Variants in TXNL1 observed in about 807,000 individuals in gnomAD.
TXNL1 encodes the protein thioredoxin like 1.
In TXNL1, 14 loss-of-function variants were observed where a neutral mutation model predicts 35.5. The ratio of observed to expected loss-of-function variants is 0.39; its 90% CI spans 0.26 to 0.62. TXNL1 has a LOEUF of 0.62. TXNL1 is among the 20% of genes least tolerant of loss of function. The pLI, the probability that TXNL1 is intolerant of heterozygous loss-of-function variation, is 0.47. For missense variants in TXNL1, 263 were observed against 349.7 expected (o/e 0.75, Z 1.98); for synonymous variants, 110 against 115.5 (o/e 0.95, Z 0.31).
At chr18:56,636,686 C>T (rs944018678) in intron 1 of TXNL1, among the ~76,000 whole-genome samples, 12 of 152,162 alleles carry the variant, frequency 7.9e-5, no homozygotes, top group Admixed American at 4.6e-4. Flanking sequence ...AACCTTCCTT[C>T]GCAGCAATGT....
At chr18:56,621,504 A>G (rs2024185237) in intron 3 of TXNL1, among the ~76,000 whole-genome samples, 1 of 152,162 alleles carries the variant, frequency 6.6e-6, no homozygotes, top group South Asian at 2.1e-4. Flanking sequence ...CCCACAAAAC[A>G]TATTTAAAGG....
In TXNL1 at chr18:56,626,797, C is replaced by CTTTTTTTTTTTTTTT. The variant is rs386387792; in HGVS notation, c.99-355_99-341dup. Among the ~76,000 whole-genome samples, 35 of 55,006 alleles carry CTTTTTTTTTTTTTTT rather than the reference C, an allele frequency of 6.4e-4. 7 individuals are homozygous for CTTTTTTTTTTTTTTT. Among genetic ancestry groups the CTTTTTTTTTTTTTTT allele is most frequent in the African/African-American group, 1.2e-3 (17 of 14,698 alleles). 36.1% of individuals were successfully genotyped at this position (55,006 alleles called of 152,430 possible). On this transcript the variant is annotated intron_variant, in intron 1 of 7. Transcript: ENST00000217515. Reference sequence around the variant, plus strand: ...TACAGGCGTGAGCCACCAAGCCGGTCTTTTTTTTTTTTTTTTTTTTTTTTG... The same window carrying CTTTTTTTTTTTTTTT: ...TACAGGCGTGAGCCACCAAGCCGGTCTTTTTTTTTTTTTTTTTTTTTTTTTTTTTTTTTTTTTTTG...
intron 3 of TXNL1, 28 bp downstream of exon 3, chr18:56,624,260 T>C (rs765462650): frequency 1.9e-6 from 3 of 1,597,600 alleles, no homozygotes; most frequent in South Asian, 1.1e-5. Context: ...ATATTATACA[T>C]TATGATTTCA....
intron 3 of TXNL1, among the ~76,000 whole-genome samples, chr18:56,622,533 G>A (rs935435746): frequency 5.9e-5 from 9 of 152,102 alleles, no homozygotes; most frequent in Non-Finnish European, 1.2e-4. Flanking sequence ...TGTCTTGATT[G>A]ACACCTGACA....
Position 56,626,797 on chromosome 18 carries a change from C to CTTTTTTTTTTTTTTTTTTT in TXNL1, c.99-359_99-341dup, listed in dbSNP as rs386387792. 2.7e-4 allele frequency among the ~76,000 whole-genome samples: 15 copies of CTTTTTTTTTTTTTTTTTTT among 55,008 alleles called. 1 individual carries two copies. The highest frequency in any genetic ancestry group is 8.2e-4 in the African/African-American group (12 of 14,700). 36.1% of individuals were successfully genotyped at this position (55,008 alleles called of 152,430 possible). The stretch of plus-strand genomic sequence containing the variant: ...TACAGGCGTGAGCCACCAAGCCGGT[C>CTTTTTTTTTTTTTTTTTTT]TTTTTTTTTTTTTTTTTTTTTTTTG... On this transcript the variant is annotated intron_variant, in intron 1 of 7. Transcript: ENST00000217515.
At chr18:56,608,709 G>A (rs2023941882) in intron 7 of TXNL1, 1 of 152,250 alleles carries the variant, frequency 6.6e-6, no homozygotes, top group African/African-American at 2.4e-5. Context: ...TGCAGAAGCA[G>A]ATATGAGAAG....
At chr18:56,615,549 C>T (rs1256362592) in intron 5 of TXNL1, among the ~76,000 whole-genome samples, 2 of 151,324 alleles carry the variant, frequency 1.3e-5, no homozygotes, top group Admixed American at 6.6e-5. Context: ...TTACATGTAT[C>T]GATATAAAAA....
At position 56,638,460 on chromosome 18, in the gene TXNL1, G is replaced by A. The variant is rs766984663; in HGVS notation, c.-20C>T. The A allele has an allele frequency of 5.0e-6, 8 of 1,605,536 alleles. No homozygotes were observed. In the South Asian group the frequency reaches 7.8e-5, roughly 16 times the overall value. ...CACCATCCTCACAGAGAGCCCGGCA[G>A]GGTGGCCGCGACGCCACTGGCTTTG... On this transcript the variant is annotated 5_prime_UTR_variant, in exon 1 of 8. Coordinates refer to ENST00000217515, the MANE Select transcript of TXNL1 (RefSeq NM_004786.3).
rs577094355 is a variant in TXNL1 at position 56,618,782 on chromosome 18, CATT to C, written c.370-659_370-657del. 1.2e-3 allele frequency among the ~76,000 whole-genome samples: 182 copies of C among 152,036 alleles called. No homozygotes were observed. In the Middle Eastern group the frequency reaches 0.014, roughly 11 times the overall value. On this transcript the variant is annotated intron_variant, in intron 3 of 7. Coordinates refer to ENST00000217515, the MANE Select transcript of TXNL1 (RefSeq NM_004786.3). Reference sequence around the variant, plus strand: ...ACTTAAAAAAAAACATTCTCAATATCATTATCACAATCAATAATTCCTTAACAC... The same window carrying C: ...ACTTAAAAAAAAACATTCTCAATATCATCACAATCAATAATTCCTTAACAC...
Position 56,602,127 on chromosome 18 carries a change from C to T in TXNL1, c.*900G>A, listed in dbSNP as rs2023817632. 1 of 152,280 alleles carries T rather than the reference C, an allele frequency of 6.6e-6. No homozygotes were observed. The highest frequency in any genetic ancestry group is 1.5e-5 in the Non-Finnish European group (1 of 68,108). 9.4% of individuals were successfully genotyped at this position (152,280 alleles called of 1,614,324 possible). ...CCGGGTTCAGCCGATTCTTCTGTCTCAGCCTCCCAAGTAGCTGGGATTACA... is the reference window on the plus strand; with the variant it reads ...CCGGGTTCAGCCGATTCTTCTGTCTTAGCCTCCCAAGTAGCTGGGATTACA... On this transcript the variant is annotated 3_prime_UTR_variant, in exon 8 of 8. Transcript: ENST00000217515.
At chr18:56,619,696 C>G (rs1037048611) in intron 3 of TXNL1, among the ~76,000 whole-genome samples, 4 of 149,722 alleles carry the variant, frequency 2.7e-5, no homozygotes, top group African/African-American at 9.7e-5. Context: ...TTTATTCTAA[C>G]ACTTCCATAC....
intron 4 of TXNL1, 88 bp from the exon 5 acceptor site, chr18:56,616,402 GAA>G: frequency 3.8e-6 from 4 of 1,055,560 alleles, no homozygotes; most frequent in Admixed American, 3.0e-5. Context: ...TAACAGGCAA[GAA>G]AAAAAAAACC....
At chr18:56,615,885 T>C (rs1298975700) in intron 5 of TXNL1, among the ~76,000 whole-genome samples, 1 of 152,116 alleles carries the variant, frequency 6.6e-6, no homozygotes, top group Non-Finnish European at 1.5e-5. Flanking sequence ...ATCTTAGCAG[T>C]CTGGGAGGCC....
intron 7 of TXNL1, among the ~76,000 whole-genome samples, chr18:56,605,651 T>C (rs992160698): frequency 1.3e-5 from 2 of 152,222 alleles, no homozygotes; most frequent in African/African-American, 4.8e-5. Context: ...AAGCTTTTCA[T>C]GCTGCAACAC....
At chr18:56,611,845 ATTTT>A (rs375995266) in intron 6 of TXNL1, among the ~76,000 whole-genome samples, 6 of 116,490 alleles carry the variant, frequency 5.2e-5, no homozygotes, top group Non-Finnish European at 8.6e-5. Context: ...CACCCGGCTA[ATTTT>A]TTTTTTTTTT....
At chr18:56,607,782 G>C (rs1486960894) in intron 7 of TXNL1, among the ~76,000 whole-genome samples, 1 of 152,088 alleles carries the variant, frequency 6.6e-6, no homozygotes, top group Non-Finnish European at 1.5e-5. Context: ...CTTGAACCCG[G>C]GAGGCAGAGG....
chr18:56,627,813 C>A (rs1278432159), intron 1 of TXNL1, among the ~76,000 whole-genome samples: 1 of 150,410 alleles, frequency 6.6e-6, no homozygotes, highest in Non-Finnish European at 1.5e-5. Flanking sequence ...ACTTTCAAAA[C>A]CTCAAACTAA....
At chr18:56,617,957 CATAA>C (rs749941123) in intron 4 of TXNL1, 43 bp downstream of exon 4, 4 of 1,606,274 alleles carry the variant, frequency 2.5e-6, no homozygotes, top group Non-Finnish European at 3.4e-6. Flanking sequence ...CAAGAGCAGG[CATAA>C]ATAGTGATAA....
intron 2 of TXNL1, among the ~76,000 whole-genome samples, chr18:56,625,093 A>G (rs1234411723): frequency 6.6e-6 from 1 of 152,178 alleles, no homozygotes; most frequent in Non-Finnish European, 1.5e-5. Flanking sequence ...CATGACAAGT[A>G]TAAAGGAAAC....
Sources: allele counts gnomAD v4.1 joint callset (sites outside exome capture counted in the v4.1 genomes callset), GRCh38; gene constraint gnomAD v4.1.1; transcripts MANE v1.5; gene names NCBI Gene and HGNC (gene_info 2026-07-23, HGNC 2026-07-21).